Variants in DISP1 observed in about 807,000 individuals in gnomAD.
DISP1 encodes protein dispatched homolog 1.
In DISP1, 30 loss-of-function variants were observed where a neutral mutation model predicts 37.3. The ratio of observed to expected loss-of-function variants is 0.80; its 90% CI spans 0.60 to 1.09. DISP1 has a LOEUF of 1.09. DISP1 is among the 50% of genes least tolerant of loss of function. The pLI, the probability that DISP1 is intolerant of heterozygous loss-of-function variation, is 0.00. For synonymous variants in DISP1, 634 were observed against 690.2 expected, an observed-to-expected ratio of 0.92 and a Z score of 1.28; for missense variants, 1,598 against 1,879.5, an observed-to-expected ratio of 0.85 and a Z score of 2.77.
At chr1:222,917,985 T>C (rs187512675) in intron 1 of DISP1, among the ~76,000 whole-genome samples, 35 of 152,348 alleles carry the variant, frequency 2.3e-4, no homozygotes, top group Non-Finnish European at 1.0e-4. Flanking sequence ...AGGGATCTTA[T>C]AACACGGTTC....
At chr1:222,948,705 G>T (rs1674973656) in intron 3 of DISP1, among the ~76,000 whole-genome samples, 1 of 152,092 alleles carries the variant, frequency 6.6e-6, no homozygotes, top group Non-Finnish European at 1.5e-5. Context: ...AATGTTTAAG[G>T]TGTATTTATG....
chr1:222,938,719 C>A (rs1346774187), intron 2 of DISP1, among the ~76,000 whole-genome samples: 18 of 112,474 alleles, frequency 1.6e-4, no homozygotes, highest in African/African-American at 5.3e-4. Flanking sequence ...GGTGACAGAG[C>A]AAGACCCTGT....
At chr1:222,998,409 T>C (rs1476348421) in intron 8 of DISP1, among the ~76,000 whole-genome samples, 2 of 151,954 alleles carry the variant, frequency 1.3e-5, no homozygotes, top group East Asian at 1.9e-4. Context: ...GATGTTTCAA[T>C]TGTCACCTGC....
Position 223,002,675 on chromosome 1 carries a change from G to A in DISP1, c.1278G>A (p.Gln426=). 6.2e-7 allele frequency: 1 copy of A among 1,614,156 alleles called. No individual in the cohort carries two copies. The highest frequency in any genetic ancestry group is 8.5e-7 in the Non-Finnish European group (1 of 1,180,036). The change falls in exon 9 of 9, where the codon CAG becomes CAA. Residue 426 remains glutamine (Q), a synonymous_variant. Transcript: ENST00000675850. ...GTACCAAGTACAATGCTGTGTACCA[G>A]ATCCTCCATTACTTGGTGGACAAAG... ...RKCTKYNAVY[Q]ILHYLVDKDF... is the part of the protein sequence containing the mutation.
At chr1:222,977,768 G>A (rs575812549) in intron 3 of DISP1, among the ~76,000 whole-genome samples, 260 of 151,764 alleles carry the variant, frequency 1.7e-3, no homozygotes, top group Non-Finnish European at 2.8e-3. Flanking sequence ...TCCCACCTAT[G>A]AGTGAGAACA....
intron 3 of DISP1, among the ~76,000 whole-genome samples, chr1:222,977,128 C>A (rs1039463844): frequency 6.6e-6 from 1 of 152,162 alleles, no homozygotes; most frequent in African/African-American, 2.4e-5. Flanking sequence ...CTCCCAGGTT[C>A]AAGCGATTCT....
chr1:222,881,485 C>T (rs1572414678), intron 1 of DISP1, among the ~76,000 whole-genome samples: 1 of 152,176 alleles, frequency 6.6e-6, no homozygotes, highest in Admixed American at 6.6e-5. Flanking sequence ...CATGAGCCAC[C>T]GCCGCTGGCC....
rs562599378 is a variant in DISP1, at chr1:222,936,184, G to A, written c.-17-6623G>A. Among the ~76,000 whole-genome samples, 9 of 152,278 alleles carry A rather than the reference G, an allele frequency of 5.9e-5. No individual in the cohort carries two copies. In the East Asian group the frequency reaches 1.3e-3, roughly 23 times the overall value. ...TGCTGTATAGGTTTGTAGCCTAGGA[G>A]CAATAGACCATGCCATATAGCCTAG... On this transcript the variant is annotated intron_variant, in intron 2 of 8. Transcript: ENST00000675850.
intron 1 of DISP1, among the ~76,000 whole-genome samples, chr1:222,842,751 A>G (rs904457857): frequency 5.9e-5 from 9 of 151,986 alleles, no homozygotes; most frequent in African/African-American, 1.7e-4. Flanking sequence ...TGGTAATAAA[A>G]ATGGATTTAA....
intron 2 of DISP1, among the ~76,000 whole-genome samples, chr1:222,936,747 CAT>C (rs1491401162): frequency 1.6e-5 from 1 of 63,710 alleles, no homozygotes; most frequent in Non-Finnish European, 2.8e-5. Context: ...AATTATATAT[CAT>C]ATATATGATA....
intron 1 of DISP1, among the ~76,000 whole-genome samples, chr1:222,880,477 C>T (rs1255334920): frequency 1.3e-5 from 2 of 152,112 alleles, no homozygotes; most frequent in Non-Finnish European, 2.9e-5. Context: ...GCCTGGATGA[C>T]ACATTGAGAC....
chr1:222,978,277 GA>G (rs1677550073), intron 3 of DISP1, among the ~76,000 whole-genome samples: 1 of 152,156 alleles, frequency 6.6e-6, no homozygotes, highest in Non-Finnish European at 1.5e-5. Flanking sequence ...GGCCAGTGAT[GA>G]TGAGCATTTT....
At chr1:222,970,563 A>C (rs1169118538) in intron 3 of DISP1, among the ~76,000 whole-genome samples, 7 of 152,190 alleles carry the variant, frequency 4.6e-5, no homozygotes, top group African/African-American at 1.7e-4. Context: ...TTAGGAGACT[A>C]AAATATGTGG....
At chr1:223,000,760 T>A (rs1252618760) in intron 8 of DISP1, among the ~76,000 whole-genome samples, 1 of 152,156 alleles carries the variant, frequency 6.6e-6, no homozygotes, top group African/African-American at 2.4e-5. Context: ...GGTAACTTGG[T>A]TCTTGGGTAA....
intron 3 of DISP1, among the ~76,000 whole-genome samples, chr1:222,970,441 C>A (rs1197601450): frequency 6.6e-6 from 1 of 152,116 alleles, no homozygotes; most frequent in Non-Finnish European, 1.5e-5. Context: ...TTCTTGCCTA[C>A]CTTATGGGGG....
chr1:222,901,814 A>C (rs1004771063), intron 1 of DISP1, among the ~76,000 whole-genome samples: 1 of 152,240 alleles, frequency 6.6e-6, no homozygotes, highest in Admixed American at 6.5e-5. Flanking sequence ...GGTGTGAGCC[A>C]CTGTCCAATA....
chr1:222,939,561 G>A (rs781003331), intron 2 of DISP1, among the ~76,000 whole-genome samples: 77 of 152,000 alleles, frequency 5.1e-4, no homozygotes, highest in East Asian at 1.2e-3. Context: ...AGTGGCTCAC[G>A]CCTGTAATCC....
chr1:222,986,180 C>T (rs1033089213), intron 4 of DISP1, among the ~76,000 whole-genome samples: 2 of 151,716 alleles, frequency 1.3e-5, no homozygotes, highest in Admixed American at 6.6e-5. Flanking sequence ...GTTAAAGATC[C>T]GGTGGTCGGT....
intron 3 of DISP1, among the ~76,000 whole-genome samples, chr1:222,947,296 C>T (rs977112618): frequency 6.6e-6 from 1 of 152,070 alleles, no homozygotes; most frequent in Non-Finnish European, 1.5e-5. Flanking sequence ...TATTTCACTC[C>T]ACATAATGTC....
Sources: gnomAD v4.1 joint callset for allele counts (sites outside exome capture counted in the v4.1 genomes callset) on GRCh38, gnomAD v4.1.1 for gene constraint, MANE v1.5 for transcripts, NCBI Gene and HGNC (gene_info 2026-07-23, HGNC 2026-07-21) for gene names.